PRUNE2: variants seen among roughly 807,000 people sequenced by gnomAD.
PRUNE2 encodes the protein prune homolog 2 with BCH domain, also known as protein prune homolog 2.
A neutral mutation model predicts 252.0 loss-of-function variants in PRUNE2; 164 were observed. The observed-to-expected ratio is 0.65, with a 90% confidence interval of 0.57 to 0.74. The LOEUF is 0.74. Ranked by LOEUF, PRUNE2 falls within the 30% of genes least tolerant of loss-of-function variation. The pLI is 0.00. For missense variants in PRUNE2, 3,495 were observed against 3,711.0 expected (o/e 0.94, Z 1.51); for synonymous variants, 1,292 against 1,350.2 (o/e 0.96, Z 0.94).
chr9:76,778,510 G>A (rs565293779), intron 6 of PRUNE2: 1 of 152,340 alleles, frequency 6.6e-6, no homozygotes, highest in East Asian at 1.9e-4. Flanking sequence ...AGATCAGTTG[G>A]AGCAAGCTCA....
chr9:76,677,087 G>A (rs1365333612), intron 9 of PRUNE2, among the ~76,000 whole-genome samples: 6 of 152,266 alleles, frequency 3.9e-5, no homozygotes, highest in Middle Eastern at 3.4e-3. Flanking sequence ...TTCATCTTTC[G>A]CAATAGGTTG....
At chr9:76,691,237 G>A (rs961547286) in intron 9 of PRUNE2, among the ~76,000 whole-genome samples, 3 of 152,168 alleles carry the variant, frequency 2.0e-5, no homozygotes, top group Non-Finnish European at 4.4e-5. Flanking sequence ...CAAAGAGGGG[G>A]CAGTGGATGG....
At position 76,660,141 on chromosome 9, in the gene PRUNE2, T is replaced by G. The variant is rs1850717808; in HGVS notation, c.8277-4639A>C. On this transcript the variant is annotated intron_variant, in intron 9 of 18. Coordinates refer to ENST00000376718, the MANE Select transcript of PRUNE2 (RefSeq NM_015225.3). ...GAAATAAAGAGTTATTATAGAAGGC[T>G]GATAAAAACCTAGCACACAGGGTTC... Among the ~76,000 whole-genome samples the G allele has an allele frequency of 2.0e-5, 3 of 152,176 alleles. No homozygotes were observed. The South Asian group carries it at 6.2e-4, about 31-fold the overall frequency.
At position 76,707,237 on chromosome 9, in the gene PRUNE2, C is replaced by A. The variant is rs768586207; in HGVS notation, c.5037G>T (p.Arg1679Ser). The stretch of plus-strand genomic sequence containing the variant: ...CAGAACCTGAGCTTGTTGAAATGAC[C>A]CTGGCATCCTCTGGCTGCACAGTTG... Reference protein sequence around the residue: ...ISATVQPEDARVISTSSGSDD... With the variant: ...ISATVQPEDASVISTSSGSDD... Residue 1679 changes from arginine to serine, a missense_variant, in exon 8 of 19, where the codon AGG becomes AGT. Physicochemically the swap from Arg to Ser is moderately radical, Grantham distance 110. Coordinates refer to ENST00000376718, the MANE Select transcript of PRUNE2 (RefSeq NM_015225.3). 5 of 1,613,882 alleles carry A rather than the reference C, an allele frequency of 3.1e-6. No homozygotes were observed. In the South Asian group the frequency reaches 5.5e-5, roughly 18 times the overall value.
chr9:76,745,108 C>T (rs977246514), intron 6 of PRUNE2, among the ~76,000 whole-genome samples: 6 of 152,164 alleles, frequency 3.9e-5, no homozygotes, highest in African/African-American at 1.2e-4. Flanking sequence ...GCAAAATTAT[C>T]ACAGAAAATT....
rs191620965 is a variant in PRUNE2, at chr9:76,729,756, A to G, written c.757-16035T>C. 4.3e-4 allele frequency among the ~76,000 whole-genome samples: 65 copies of G among 152,168 alleles called. 1 individual carries two copies. Among genetic ancestry groups the G allele is most frequent in the African/African-American group, 1.4e-3 (59 of 41,530 alleles). On this transcript the variant is annotated intron_variant, in intron 6 of 18. Coordinates refer to ENST00000376718, the MANE Select transcript of PRUNE2 (RefSeq NM_015225.3). ...ATGTAGAACCAAGGTCTTTTAAAGT[A>G]TTTTTTTCTTTTAAAATATTTAAAA... is the stretch of plus-strand genomic sequence containing the variant.
chr9:76,765,189 G>A (rs1223549556), intron 6 of PRUNE2, among the ~76,000 whole-genome samples: 6 of 152,114 alleles, frequency 3.9e-5, no homozygotes, highest in Non-Finnish European at 8.8e-5. Flanking sequence ...ACCAAGCTGG[G>A]AATTCCAACA....
chr9:76,742,885 A>T (rs1339099649), intron 6 of PRUNE2, among the ~76,000 whole-genome samples: 1 of 152,198 alleles, frequency 6.6e-6, no homozygotes, highest in African/African-American at 2.4e-5. Context: ...AGTTGATAAT[A>T]GTGAGAGTCA....
chr9:76,705,844 C>T lies in PRUNE2; in HGVS notation c.6430G>A (p.Glu2144Lys), dbSNP rs368223056. ...TCCCGTCCAGGCTCATAAATGGGTTCTTCATCTATCTCTGGCTCAGTGAGA... is the reference window on the plus strand; with the variant it reads ...TCCCGTCCAGGCTCATAAATGGGTTTTTCATCTATCTCTGGCTCAGTGAGA... ...LCLTEPEIDE[E>K]PIYEPGREFV... is the part of the protein sequence containing the mutation. The change falls in exon 8 of 19, where the codon GAA becomes AAA. Residue 2144 changes from glutamate to lysine, a missense_variant. By Grantham distance (56) the Glu-to-Lys change is moderately conservative. Coordinates refer to ENST00000376718, the MANE Select transcript of PRUNE2 (RefSeq NM_015225.3). The T allele has an allele frequency of 1.1e-5, 18 of 1,613,510 alleles. No homozygotes were observed. Among genetic ancestry groups the T allele is most frequent in the Non-Finnish European group, 1.4e-5 (16 of 1,179,886 alleles).
chr9:76,794,399 G>A (rs1015834484), intron 6 of PRUNE2, among the ~76,000 whole-genome samples: 2 of 152,052 alleles, frequency 1.3e-5, no homozygotes, highest in Admixed American at 6.5e-5. Context: ...GGGGGATCAC[G>A]AGGTTAAGAG....
At chr9:76,820,177 C>T (rs2057955082) in intron 6 of PRUNE2, among the ~76,000 whole-genome samples, 1 of 152,192 alleles carries the variant, frequency 6.6e-6, no homozygotes, top group South Asian at 2.1e-4. Context: ...CTGGCCATGC[C>T]TCTGATAAGG....
At position 76,850,484 on chromosome 9, in the gene PRUNE2, A is replaced by T; in HGVS notation, c.323T>A (p.Val108Asp). The T allele has an allele frequency of 6.2e-7, 1 of 1,614,088 alleles. No homozygotes were observed. Among genetic ancestry groups the T allele is most frequent in the Non-Finnish European group, 8.5e-7 (1 of 1,179,912 alleles). Reference protein sequence around the residue: ...NDEGKLSITLVGSSVLASEDK... With the variant: ...NDEGKLSITLDGSSVLASEDK... ...TTACCTCGCCAGCACACTGCTGCCA[A>T]CAAGTGTTATCGATAACTTCCCTTC... is the stretch of plus-strand genomic sequence containing the variant. The change falls in exon 3 of 19, where the codon GTT becomes GAT. Residue 108 changes from valine to aspartate, a missense_variant. Transcript: ENST00000376718.
Position 76,709,160 on chromosome 9 carries a change from T to C in PRUNE2, c.3114A>G (p.Thr1038=). The stretch of plus-strand genomic sequence containing the variant: ...TGGTATTTATTTCAGAACTGTTATC[T>C]GTATGAGGTGAAGCCCACATGTCTA... ...GNLDMWASPH[T]DNSSEINTTH... Residue 1038 remains threonine (T), a synonymous_variant, in exon 8 of 19, where the codon ACA becomes ACG. Coordinates refer to ENST00000376718, the MANE Select transcript of PRUNE2 (RefSeq NM_015225.3). 6.2e-7 allele frequency: 1 copy of C among 1,614,006 alleles called. No individual in the cohort carries two copies. Among genetic ancestry groups the C allele is most frequent in the South Asian group, 1.1e-5 (1 of 91,070 alleles).
At position 76,710,091 on chromosome 9, in the gene PRUNE2, T is replaced by G; in HGVS notation, c.2183A>C (p.Asn728Thr). ...SEFGQPELGS[N>T]DIQDKNEESL... is the part of the protein sequence containing the mutation. ...TTCCTCATTTTTGTCTTGAATATCA[T>G]TGCTACCCAGTTCAGGCTGACCAAA... Residue 728 changes from asparagine (N) to threonine (T), a missense_variant, in exon 8 of 19, where the codon AAT (asparagine) becomes ACT (threonine). Coordinates refer to ENST00000376718, the MANE Select transcript of PRUNE2 (RefSeq NM_015225.3). The G allele has an allele frequency of 1.2e-6, 2 of 1,613,968 alleles. No individual in the cohort carries two copies. The highest frequency in any genetic ancestry group is 1.7e-6 in the Non-Finnish European group (2 of 1,179,880).
chr9:76,667,638 C>A (rs2040454355), intron 9 of PRUNE2, among the ~76,000 whole-genome samples: 1 of 152,206 alleles, frequency 6.6e-6, no homozygotes, highest in African/African-American at 2.4e-5. Context: ...CAAGCTGGCA[C>A]CAGAAATATG....
At chr9:76,724,303 C>CAAAAAAA (rs796291956) in intron 6 of PRUNE2, among the ~76,000 whole-genome samples, 8 of 69,414 alleles carry the variant, frequency 1.2e-4, no homozygotes, top group Admixed American at 1.8e-4. Context: ...GATAGAAATA[C>CAAAAAAA]AAAAAAAAAA....
intron 4 of PRUNE2, among the ~76,000 whole-genome samples, chr9:76,837,441 A>AAATAATAATAATAATAATAAT (rs57793891): frequency 1.4e-3 from 185 of 134,822 alleles, no homozygotes; most frequent in Middle Eastern, 4.0e-3. Context: ...ACTCTGTCTC[A>AAATAATAATAATAATAATAAT]AATAATAATA....
chr9:76,886,423 G>GT (rs2062103205), intron 1 of PRUNE2, among the ~76,000 whole-genome samples: 1 of 152,126 alleles, frequency 6.6e-6, no homozygotes, highest in African/African-American at 2.4e-5. Flanking sequence ...AAAAACAGTT[G>GT]TCAGGCCAGA....
intron 6 of PRUNE2, among the ~76,000 whole-genome samples, chr9:76,766,227 A>C (rs1015238047): frequency 2.0e-5 from 3 of 151,774 alleles, no homozygotes; most frequent in Non-Finnish European, 4.4e-5. Context: ...AAGTAAATGC[A>C]ATATCATTTT....
Sources: allele counts gnomAD v4.1 joint callset (sites outside exome capture counted in the v4.1 genomes callset), GRCh38; gene constraint gnomAD v4.1.1; transcripts MANE v1.5; gene names NCBI Gene and HGNC (gene_info 2026-07-23, HGNC 2026-07-21).